Variants in SREK1IP1 observed in about 807,000 individuals in gnomAD.
SREK1IP1 encodes protein SREK1IP1.
In SREK1IP1, 12 loss-of-function variants were observed where a neutral mutation model predicts 22.8. The ratio of observed to expected loss-of-function variants is 0.53; its 90% CI spans 0.34 to 0.85. The LOEUF is 0.85. SREK1IP1 is among the 40% of genes least tolerant of loss of function. The pLI is 0.02. For synonymous variants in SREK1IP1, 53 were observed against 52.7 expected (o/e 1.01, Z -0.02); for missense variants, 147 against 171.8 (o/e 0.86, Z 0.81).
chr5:64,743,843 G>C (rs575954688), intron 2 of SREK1IP1, among the ~76,000 whole-genome samples: 1 of 152,048 alleles, frequency 6.6e-6, no homozygotes, highest in Non-Finnish European at 1.5e-5. Context: ...GTTATAGTAG[G>C]TAGCTAGTCA....
chr5:64,719,754 G>C lies in SREK1IP1; in HGVS notation c.*4630C>G, dbSNP rs1742124732. On this transcript the variant is annotated 3_prime_UTR_variant, in exon 5 of 5. Coordinates refer to ENST00000513458, the MANE Select transcript of SREK1IP1 (RefSeq NM_173829.4). ...GTCAGGCATGACTGGATGCATCATG[G>C]GTTGTGCTATAGAAGAGGCACCCCA... 6.6e-6 allele frequency: 1 copy of C among 152,190 alleles called. No homozygotes were observed. 9.4% of individuals were successfully genotyped at this position (152,190 alleles called of 1,614,324 possible). A position where few individuals can be genotyped will look rare whatever the true frequency, so the allele number is the denominator to read the frequency against.
At chr5:64,745,818 T>C (rs920784821) in intron 2 of SREK1IP1, among the ~76,000 whole-genome samples, 7 of 149,482 alleles carry the variant, frequency 4.7e-5, no homozygotes, top group African/African-American at 1.5e-4. Context: ...AGTTTCTTAC[T>C]GATTTTTTTT....
intron 1 of SREK1IP1, among the ~76,000 whole-genome samples, chr5:64,761,117 C>T (rs1334969037): frequency 2.0e-5 from 3 of 152,092 alleles, no homozygotes; most frequent in African/African-American, 7.2e-5. Flanking sequence ...TTCATGATGT[C>T]AGAGTCTTCA....
intron 3 of SREK1IP1, among the ~76,000 whole-genome samples, chr5:64,740,540 T>C (rs1161089611): frequency 6.6e-6 from 1 of 152,310 alleles, no homozygotes; most frequent in East Asian, 1.9e-4. Flanking sequence ...CCTGGGGAGC[T>C]GTATTGGCAT....
chr5:64,768,565 C>A lies in SREK1IP1; in HGVS notation c.-48G>T. ...CGAGCCTCTGGCTTTCGAAAAGGCG[C>A]TTGCTTCCCGCCAGCTGTGAGAACA... On this transcript the variant is annotated 5_prime_UTR_variant, in exon 1 of 5. Transcript: ENST00000513458. 1 of 1,613,884 alleles carries A rather than the reference C, an allele frequency of 6.2e-7. No individual in the cohort carries two copies.
chr5:64,735,111 G>A (rs1263425097), intron 3 of SREK1IP1, among the ~76,000 whole-genome samples: 3 of 151,762 alleles, frequency 2.0e-5, no homozygotes, highest in Non-Finnish European at 4.4e-5. Flanking sequence ...TTTTTTATCA[G>A]AAGTATATGA....
chr5:64,724,485 T>C lies in SREK1IP1; in HGVS notation c.367A>G (p.Ser123Gly). 1.3e-6 allele frequency: 2 copies of C among 1,591,696 alleles called. No homozygotes were observed. The highest frequency in any genetic ancestry group is 1.7e-6 in the Non-Finnish European group (2 of 1,173,836). The change falls in exon 5 of 5, where the codon AGT (serine) becomes GGT (glycine). Residue 123 changes from serine to glycine, a missense_variant. Physicochemically the swap from Ser to Gly is moderately conservative, Grantham distance 56 (BLOSUM62 0). Coordinates refer to ENST00000513458, the MANE Select transcript of SREK1IP1 (RefSeq NM_173829.4). ...TGATGTTTCCCTTTTTTTGATTTAC[T>C]CTTTTTTTCTTTTTTCTTTTCTTTC... ...QKKEKKKEKK[S>G]KSKKGKHHKK...
Position 64,720,409 on chromosome 5 carries a change from CCTT to C in SREK1IP1, c.*3972_*3974del, listed in dbSNP as rs1163013431. ...AATAATCAAATTATATTTTATGTAGCCTTCTAATGAAAGCAATTTCATCTTTTA... is the reference window on the plus strand; with the variant it reads ...AATAATCAAATTATATTTTATGTAGCCTAATGAAAGCAATTTCATCTTTTA... On this transcript the variant is annotated 3_prime_UTR_variant, in exon 5 of 5. Coordinates refer to ENST00000513458, the MANE Select transcript of SREK1IP1 (RefSeq NM_173829.4). The C allele has an allele frequency of 1.3e-5, 2 of 152,066 alleles. No homozygotes were observed. Among genetic ancestry groups the C allele is most frequent in the African/African-American group, 4.8e-5 (2 of 41,406 alleles). 9.4% of individuals were successfully genotyped at this position (152,066 alleles called of 1,614,324 possible).
At chr5:64,735,161 TG>T (rs1400647834) in intron 3 of SREK1IP1, among the ~76,000 whole-genome samples, 28 of 115,048 alleles carry the variant, frequency 2.4e-4, no homozygotes, top group African/African-American at 1.5e-3. Context: ...ATTGTGACAA[TG>T]TTTTTTTTTT....
intron 1 of SREK1IP1, among the ~76,000 whole-genome samples, chr5:64,761,454 T>C (rs7734413): frequency 0.063 from 9,585 of 152,250 alleles, 979 homozygotes; most frequent in African/African-American, 0.22. Flanking sequence ...TGTACATAAA[T>C]CTGGGTGATA....
chr5:64,759,964 C>T (rs1055134718), intron 1 of SREK1IP1, among the ~76,000 whole-genome samples: 1 of 152,170 alleles, frequency 6.6e-6, no homozygotes, highest in Non-Finnish European at 1.5e-5. Context: ...CTCTCTGACA[C>T]AACAATCTCA....
At chr5:64,735,416 C>T (rs1742446081) in intron 3 of SREK1IP1, among the ~76,000 whole-genome samples, 1 of 152,010 alleles carries the variant, frequency 6.6e-6, no homozygotes, top group Non-Finnish European at 1.5e-5. Context: ...ATACTCTCCT[C>T]CCTTCAATTT....
intron 2 of SREK1IP1, among the ~76,000 whole-genome samples, chr5:64,741,649 TAATAA>T (rs1317867438): frequency 6.7e-6 from 1 of 149,002 alleles, no homozygotes; most frequent in Non-Finnish European, 1.5e-5. Flanking sequence ...AAAGTTGGCA[TAATAA>T]TATACAAGCA....
intron 1 of SREK1IP1, among the ~76,000 whole-genome samples, chr5:64,757,923 G>A (rs1395841880): frequency 7.3e-6 from 1 of 136,436 alleles, no homozygotes; most frequent in African/African-American, 2.8e-5. Flanking sequence ...AGGCTGGAGT[G>A]CAGTGGCGTG....
intron 3 of SREK1IP1, among the ~76,000 whole-genome samples, chr5:64,735,387 T>C (rs1742445262): frequency 6.6e-6 from 1 of 152,096 alleles, no homozygotes; most frequent in Non-Finnish European, 1.5e-5. Flanking sequence ...AATGCTGGTC[T>C]TATAAATTGA....
intron 2 of SREK1IP1, among the ~76,000 whole-genome samples, chr5:64,749,068 AATAATAATAAT>A (rs775330494): frequency 2.9e-4 from 23 of 78,728 alleles, no homozygotes; most frequent in Non-Finnish European, 4.6e-4. Context: ...ACATAATAAT[AATAATAATAAT>A]AATAATAATA....
At chr5:64,763,873 T>C (rs536252758) in intron 1 of SREK1IP1, among the ~76,000 whole-genome samples, 32 of 152,204 alleles carry the variant, frequency 2.1e-4, no homozygotes, top group Non-Finnish European at 4.6e-4. Context: ...ATCTCAATTT[T>C]TGCTGGGTTT....
intron 2 of SREK1IP1, among the ~76,000 whole-genome samples, chr5:64,751,735 A>T (rs1742744551): frequency 1.3e-5 from 2 of 152,230 alleles, no homozygotes; most frequent in South Asian, 2.1e-4. Context: ...AATTAATGAT[A>T]AATTTCTTTA....
At chr5:64,763,754 A>C (rs934135084) in intron 1 of SREK1IP1, among the ~76,000 whole-genome samples, 2 of 152,194 alleles carry the variant, frequency 1.3e-5, no homozygotes, top group Non-Finnish European at 1.5e-5. Context: ...TAGAGAAGCC[A>C]TAGGGATGAA....
Sources: gnomAD v4.1 joint callset for allele counts (sites outside exome capture counted in the v4.1 genomes callset) on GRCh38, gnomAD v4.1.1 for gene constraint, MANE v1.5 for transcripts, NCBI Gene and HGNC (gene_info 2026-07-23, HGNC 2026-07-21) for gene names.